ZNF541: variants seen among roughly 807,000 people sequenced by gnomAD.
ZNF541 encodes the protein zinc finger protein 541.
A neutral mutation model predicts 123.5 loss-of-function variants in ZNF541; 23 were observed. The observed-to-expected ratio is 0.19, with a 90% CI of 0.13 to 0.26. The LOEUF (loss-of-function observed/expected upper bound fraction) is 0.26, where lower values mean the gene tolerates loss of function less well. Ranked by LOEUF, ZNF541 falls within the 10% of genes least tolerant of loss-of-function variation. ZNF541 has a pLI of 1.00. For synonymous variants in ZNF541, 751 were observed against 754.5 expected (o/e 1.00, Z 0.08); for missense variants, 1,612 against 1,789.9 (o/e 0.90, Z 1.79).
intron 3 of ZNF541, among the ~76,000 whole-genome samples, chr19:47,554,396 A>T (rs943941489): frequency 6.6e-6 from 1 of 152,160 alleles, no homozygotes; most frequent in African/African-American, 2.4e-5. Context: ...GTGCCACTGC[A>T]CTCCAGCCTG....
intron 4 of ZNF541, among the ~76,000 whole-genome samples, chr19:47,547,340 G>A (rs1163997651): frequency 4.6e-5 from 7 of 152,160 alleles, no homozygotes; most frequent in Admixed American, 4.6e-4. Flanking sequence ...TGTGCCTATA[G>A]TTTCTGCAAA....
At position 47,532,252 on chromosome 19, in the gene ZNF541, G is replaced by C. The variant is rs1969606808; in HGVS notation, c.3177C>G (p.Ser1059Arg). Residue 1059 changes from serine (S) to arginine (R), a missense_variant, in exon 11 of 17, where the codon AGC becomes AGG. Ser to Arg is a moderately radical substitution (Grantham distance 110). Coordinates refer to ENST00000391901, the MANE Select transcript of ZNF541 (RefSeq NM_001277075.3). ...ISIEPHINIG[S>R]RFQAEIPELQ... ...GTTCCGGGATCTCTGCCTGAAACCG[G>C]CTTCCTATATTGATATGTCTGAAAT... 2 of 1,551,852 alleles carry C rather than the reference G, an allele frequency of 1.3e-6. No individual in the cohort carries two copies. Among genetic ancestry groups the C allele is most frequent in the African/African-American group, 2.7e-5 (2 of 73,008 alleles).
chr19:47,560,817 C>T (rs1361806693), intron 2 of ZNF541, among the ~76,000 whole-genome samples: 1 of 152,140 alleles, frequency 6.6e-6, no homozygotes, highest in African/African-American at 2.4e-5. Context: ...GCAATCAAGA[C>T]ATCCCTCAAT....
intron 10 of ZNF541, among the ~76,000 whole-genome samples, chr19:47,532,535 C>A (rs918498924): frequency 1.3e-5 from 2 of 152,090 alleles, no homozygotes; most frequent in Admixed American, 1.3e-4. Context: ...GAGGTACAAG[C>A]TGACACCCGG....
chr19:47,567,814 T>C (rs112291008), intron 2 of ZNF541, among the ~76,000 whole-genome samples: 1 of 152,314 alleles, frequency 6.6e-6, no homozygotes, highest in Non-Finnish European at 1.5e-5. Context: ...TCTGAGTTTA[T>C]GACCCTCCAA....
chr19:47,534,389 G>A (rs1367176360), intron 9 of ZNF541, among the ~76,000 whole-genome samples: 1 of 152,172 alleles, frequency 6.6e-6, no homozygotes, highest in African/African-American at 2.4e-5. Flanking sequence ...AGTGGCTCAC[G>A]CCTGTAATCC....
chr19:47,543,988 T>A, intron 5 of ZNF541, 138 bp downstream of exon 5: 1 of 1,163,948 alleles, frequency 8.6e-7, no homozygotes, highest in Non-Finnish European at 1.2e-6. Context: ...AAAACCACAA[T>A]CTTTCGGAAC....
At position 47,540,239 on chromosome 19, in the gene ZNF541, C is replaced by T. The variant is rs1791012558; in HGVS notation, c.2559G>A (p.Leu853=). 5 of 1,551,780 alleles carry T rather than the reference C, an allele frequency of 3.2e-6. No homozygotes were observed. In the South Asian group the frequency reaches 4.8e-5, roughly 15 times the overall value. The part of the protein sequence containing the change: ...CSQMFYTEKG[L]SSHMCFHSDQ... The stretch of plus-strand genomic sequence containing the variant: ...CGCTGTGAAAACACATGTGGCTGCT[C>T]AGCCCTTTCTCCGTATAAAACATCT... Residue 853 remains leucine, a synonymous_variant, in exon 7 of 17, where the codon CTG becomes CTA. Coordinates refer to ENST00000391901, the MANE Select transcript of ZNF541 (RefSeq NM_001277075.3).
At chr19:47,525,917 CAAAAAAAAAAA>C (rs34123668) in intron 14 of ZNF541, among the ~76,000 whole-genome samples, 1 of 57,606 alleles carries the variant, frequency 1.7e-5, no homozygotes, top group Non-Finnish European at 3.9e-5. Flanking sequence ...CTCCGTCTCA[CAAAAAAAAAAA>C]AAAAAAAAAA....
intron 3 of ZNF541, among the ~76,000 whole-genome samples, chr19:47,555,263 C>T (rs901275945): frequency 2.0e-4 from 29 of 145,368 alleles, no homozygotes; most frequent in African/African-American, 6.1e-4. Flanking sequence ...CCAGCTACTC[C>T]GGAGGCTGAG....
At chr19:47,546,368 G>C (rs1229743915) in intron 4 of ZNF541, among the ~76,000 whole-genome samples, 1 of 152,044 alleles carries the variant, frequency 6.6e-6, no homozygotes. Flanking sequence ...ATTTAGCTGG[G>C]TGTAGTGGCA....
chr19:47,541,967 T>C (rs1304914184), intron 5 of ZNF541, among the ~76,000 whole-genome samples: 2 of 152,066 alleles, frequency 1.3e-5, no homozygotes, highest in Non-Finnish European at 2.9e-5. Context: ...AGCCAAAAAG[T>C]GGAAACAACC....
At chr19:47,529,363 G>A (rs1418104305) in intron 13 of ZNF541, among the ~76,000 whole-genome samples, 1 of 152,188 alleles carries the variant, frequency 6.6e-6, no homozygotes, top group Non-Finnish European at 1.5e-5. Context: ...GCTGGGCAGA[G>A]TCCGTAAGGA....
intron 14 of ZNF541, among the ~76,000 whole-genome samples, chr19:47,526,450 C>A (rs1290849270): frequency 6.7e-6 from 1 of 149,220 alleles, no homozygotes; most frequent in African/African-American, 2.5e-5. Flanking sequence ...CCACTGCATT[C>A]CAGCCTGGGC....
intron 12 of ZNF541, 43 bp downstream of exon 12, chr19:47,531,599 T>A: frequency 6.8e-7 from 1 of 1,472,580 alleles, no homozygotes; most frequent in Non-Finnish European, 9.2e-7. Flanking sequence ...CCTAGAACCC[T>A]GGGCCCCAGG....
chr19:47,525,778 T>C (rs1159797933), intron 14 of ZNF541, among the ~76,000 whole-genome samples: 1 of 151,866 alleles, frequency 6.6e-6, no homozygotes. Flanking sequence ...GCGGGCATGG[T>C]GGTGGCATGT....
rs1165764138 is a variant in ZNF541, at chr19:47,521,457, T to C, written c.3887+22A>G. On this transcript the variant is annotated intron_variant, in intron 16 of 16. Transcript: ENST00000391901. This position sits in a 1 kb window ranked among gnomAD's most constrained non-coding sequence, Gnocchi z 4.2. Reference sequence around the variant, plus strand: ...GCTGAGGCTGGGAGCCCTGGGAGTGTTTCCAGGAGAAAGCTGGGTACCTTT... The same window carrying C: ...GCTGAGGCTGGGAGCCCTGGGAGTGCTTCCAGGAGAAAGCTGGGTACCTTT... 4 of 1,550,868 alleles carry C rather than the reference T, an allele frequency of 2.6e-6. No homozygotes were observed. The South Asian group carries it at 4.8e-5, about 18-fold the overall frequency.
rs994447165 is a variant in ZNF541, at chr19:47,533,008, G to C, written c.3095-36C>G. On this transcript the variant is annotated intron_variant, in intron 9 of 16. Coordinates refer to ENST00000391901, the MANE Select transcript of ZNF541 (RefSeq NM_001277075.3). ...CAGAGTGAAAAGGCTCAAGAAGACA[G>C]ACAGCAGGTAACCGACAGGGTCCTC... is the stretch of plus-strand genomic sequence containing the variant. 11 of 1,536,382 alleles carry C rather than the reference G, an allele frequency of 7.2e-6. No individual in the cohort carries two copies. In the Middle Eastern group the frequency reaches 1.9e-3, roughly 259 times the overall value.
At chr19:47,567,727 T>C (rs774858924) in intron 2 of ZNF541, among the ~76,000 whole-genome samples, 5 of 152,192 alleles carry the variant, frequency 3.3e-5, no homozygotes, top group African/African-American at 7.2e-5. Context: ...CAACAATTGG[T>C]TGGAGGTGAG....
Sources: allele counts gnomAD v4.1 joint callset (sites outside exome capture counted in the v4.1 genomes callset), GRCh38; gene constraint gnomAD v4.1.1; non-coding constraint Gnocchi (gnomAD v3.1); transcripts MANE v1.5; gene names NCBI Gene and HGNC (gene_info 2026-07-23, HGNC 2026-07-21).